The following CABIN1 variants were observed in gnomAD, a reference collection of about 807,000 sequenced individuals.
The protein encoded by CABIN1 is calcineurin-binding protein cabin-1.
CABIN1 carries 133 observed loss-of-function variants against 227.7 expected under a neutral mutation model. That is an observed-to-expected ratio of 0.58 (90% CI 0.51 to 0.67). CABIN1 has a LOEUF of 0.67. Ranked by LOEUF, CABIN1 falls within the 30% of genes least tolerant of loss-of-function variation. The probability of loss-of-function intolerance (pLI) is 0.00; values close to 1 mark genes in which losing one functional copy is unlikely to be tolerated. For missense variants in CABIN1, 2,408 were observed against 2,852.5 expected, an observed-to-expected ratio of 0.84 and a Z score of 3.55; for synonymous variants, 1,086 against 1,155.1, an observed-to-expected ratio of 0.94 and a Z score of 1.21.
intron 16 of CABIN1, among the ~76,000 whole-genome samples, chr22:24,068,956 A>G (rs78860641): frequency 6.6e-6 from 1 of 152,156 alleles, no homozygotes; most frequent in Non-Finnish European, 1.5e-5. Context: ...CATGTTCTCG[A>G]GGGGGGGCAG....
chr22:24,178,350 C>G lies in CABIN1; in HGVS notation c.*154C>G. On this transcript the variant is annotated 3_prime_UTR_variant, in exon 37 of 37. Coordinates refer to ENST00000263119, the MANE Select transcript of CABIN1 (RefSeq NM_012295.4). ...CAGCCCACCTCCTCATGGCATCCTC[C>G]CTGTACCCAGGTCAGGCTGTCCACA... The G allele has an allele frequency of 1.1e-6, 1 of 925,174 alleles. No homozygotes were observed. Among genetic ancestry groups the G allele is most frequent in the Non-Finnish European group, 1.6e-6 (1 of 615,608 alleles). 57.3% of individuals were successfully genotyped at this position (925,174 alleles called of 1,614,324 possible). A position where few individuals can be genotyped will look rare whatever the true frequency, so the allele number is the denominator to read the frequency against.
At chr22:24,064,512 G>GTTTTTTTTT (rs782268156) in intron 15 of CABIN1, among the ~76,000 whole-genome samples, 28 of 106,878 alleles carry the variant, frequency 2.6e-4, no homozygotes, top group East Asian at 5.8e-4. Context: ...CAGCTGAAAG[G>GTTTTTTTTT]TTTTTTTTTT....
At chr22:24,115,346 C>T (rs950829945) in intron 27 of CABIN1, among the ~76,000 whole-genome samples, 2 of 152,136 alleles carry the variant, frequency 1.3e-5, no homozygotes, top group Admixed American at 6.5e-5. Context: ...CTGCCTCTTC[C>T]CTCCTTCCAT....
In CABIN1 at chr22:24,098,021, G is replaced by C. The variant is rs751323772; in HGVS notation, c.3946G>C (p.Ala1316Pro). Residue 1316 changes from alanine (A) to proline (P), a missense_variant, in exon 26 of 37, where the codon GCC becomes CCC. Around this residue, in one of 3 missense-constraint regions of CABIN1, gnomAD observed 649 missense variants for 910.3 expected, o/e 0.71. Transcript: ENST00000263119. ...NTPKASEKEK[A>P]CLVDEDSHSS... ...AAACCTCTGTTCCCACAGGGAGAAG[G>C]CCTGCCTGGTGGACGAGGACTCCCA... 1.2e-5 allele frequency: 19 copies of C among 1,614,044 alleles called. No homozygotes were observed. The highest frequency in any genetic ancestry group is 1.5e-5 in the Non-Finnish European group (18 of 1,180,026).
intron 28 of CABIN1, among the ~76,000 whole-genome samples, chr22:24,128,218 G>A (rs1260287865): frequency 6.9e-6 from 1 of 144,126 alleles, no homozygotes; most frequent in East Asian, 2.1e-4. Flanking sequence ...GTATGCAAAT[G>A]TGGTTCTGCT....
chr22:24,118,721 C>G (rs1602185304), intron 27 of CABIN1, among the ~76,000 whole-genome samples: 1 of 152,366 alleles, frequency 6.6e-6, no homozygotes, highest in East Asian at 1.9e-4. Context: ...AGCCCAAGGT[C>G]ATCCAGGCCA....
At chr22:24,021,451 C>T (rs1369520057) in intron 1 of CABIN1, among the ~76,000 whole-genome samples, 3 of 152,030 alleles carry the variant, frequency 2.0e-5, no homozygotes, top group African/African-American at 7.2e-5. Context: ...AGCCACAGTG[C>T]CCGATCAATT....
Position 24,043,068 on chromosome 22 carries a change from C to T in CABIN1, c.510C>T (p.Thr170=), listed in dbSNP as rs562925742. The change falls in exon 6 of 37, where the codon ACC becomes ACT. Residue 170 remains threonine (T), a synonymous_variant. Coordinates refer to ENST00000263119, the MANE Select transcript of CABIN1 (RefSeq NM_012295.4). ...ATAACCTAATCACTGTCCTGTACAC[C>T]CTCAGTGATTACACAAGTGAGTCAT... ...CLDNLITVLY[T]LSDYTTCLYF... is the part of the protein sequence containing the mutation. The T allele has an allele frequency of 3.1e-6, 5 of 1,613,798 alleles. No homozygotes were observed. Among genetic ancestry groups the T allele is most frequent in the East Asian group, 2.2e-5 (1 of 44,852 alleles).
At chr22:24,067,313 GC>G in intron 16 of CABIN1, 132 bp downstream of exon 16, 3 of 930,574 alleles carry the variant, frequency 3.2e-6, no homozygotes, top group Non-Finnish European at 3.4e-6. Flanking sequence ...AAACCACTAA[GC>G]CCCCAGGAAG....
chr22:24,056,554 C>T (rs975058687), intron 10 of CABIN1, 194 bp downstream of exon 10: 7 of 602,282 alleles, frequency 1.2e-5, no homozygotes, highest in Non-Finnish European at 2.0e-5. Flanking sequence ...CTTCCCACCT[C>T]TGAAATTCCT....
Position 24,156,189 on chromosome 22 carries a change from C to A in CABIN1, c.4747-8211C>A, listed in dbSNP as rs556649106. 1.0e-5 allele frequency: 4 copies of A among 391,088 alleles called. No individual in the cohort carries two copies. In the East Asian group the frequency reaches 1.5e-4, roughly 14 times the overall value. The allele number at this position is 391,088 out of a possible 1,614,324, so 24.2% of individuals were successfully genotyped here. On this transcript the variant is annotated intron_variant, in intron 29 of 36. Coordinates refer to ENST00000263119, the MANE Select transcript of CABIN1 (RefSeq NM_012295.4). The stretch of plus-strand genomic sequence containing the variant: ...CGTCTGGGTCTCCACTTTGCTGGCG[C>A]TTTTGCTCAATCGTCCCCTGGTGGG...
chr22:24,087,356 T>C (rs1490595734), intron 22 of CABIN1, 96 bp from the exon 23 acceptor site: 1 of 1,524,248 alleles, frequency 6.6e-7, no homozygotes, highest in African/African-American at 1.4e-5. Flanking sequence ...GAAGGGAGTT[T>C]CCATGGGGTC....
In CABIN1 at chr22:24,038,492, G is replaced by A. The variant is rs377454570; in HGVS notation, c.210+31G>A. On this transcript the variant is annotated intron_variant, in intron 4 of 36. Transcript: ENST00000263119. Reference sequence around the variant, plus strand: ...GCATCAGCAGGCCAGGCAGTGTGCCGTGGTGGTTAGTGCATGGGCTGTGGG... The same window carrying A: ...GCATCAGCAGGCCAGGCAGTGTGCCATGGTGGTTAGTGCATGGGCTGTGGG... 1.7e-5 allele frequency: 25 copies of A among 1,473,630 alleles called. No individual in the cohort carries two copies. The East Asian group carries it at 3.4e-4, about 20-fold the overall frequency. 91.3% of individuals were successfully genotyped at this position (1,473,630 alleles called of 1,614,324 possible).
intron 23 of CABIN1, among the ~76,000 whole-genome samples, chr22:24,090,384 A>T (rs981362412): frequency 3.9e-5 from 6 of 152,238 alleles, no homozygotes; most frequent in African/African-American, 1.4e-4. Context: ...CTTTTACTTC[A>T]GCACATTTGC....
chr22:24,070,170 G>T (rs1247890529), intron 16 of CABIN1, among the ~76,000 whole-genome samples: 8 of 152,270 alleles, frequency 5.3e-5, no homozygotes, highest in African/African-American at 1.9e-4. Context: ...TCTTCCATGT[G>T]CCAGGCACTG....
At chr22:24,090,517 A>ATTT (rs11356877) in intron 23 of CABIN1, among the ~76,000 whole-genome samples, 11 of 122,404 alleles carry the variant, frequency 9.0e-5, no homozygotes, top group Non-Finnish European at 1.6e-4. Flanking sequence ...CTGTGTGGTC[A>ATTT]TTTTTTTTTT....
At chr22:24,043,285 G>A (rs865964815) in intron 6 of CABIN1, among the ~76,000 whole-genome samples, 3 of 146,608 alleles carry the variant, frequency 2.0e-5, no homozygotes, top group Non-Finnish European at 3.0e-5. Flanking sequence ...TAATAAAGTA[G>A]CATGTTTTCT....
intron 35 of CABIN1, among the ~76,000 whole-genome samples, chr22:24,176,883 C>T (rs2148835614): frequency 6.6e-6 from 1 of 152,338 alleles, no homozygotes; most frequent in Admixed American, 6.5e-5. Flanking sequence ...CAGGCATGGG[C>T]TCTGTGTAAA....
intron 2 of CABIN1, 151 bp from the exon 3 acceptor site, chr22:24,035,938 T>A: frequency 2.2e-6 from 1 of 456,004 alleles, no homozygotes; most frequent in Non-Finnish European, 4.1e-6. Context: ...AGGATGATTT[T>A]TTTGTTCATT....
Sources: gnomAD v4.1 joint callset for allele counts (sites outside exome capture counted in the v4.1 genomes callset) on GRCh38, gnomAD v4.1.1 for gene constraint, gnomAD v4.1.1 regional missense constraint, MANE v1.5 for transcripts, NCBI Gene and HGNC (gene_info 2026-07-23, HGNC 2026-07-21) for gene names.